COP1: variants seen among roughly 807,000 people sequenced by gnomAD.
The protein encoded by COP1 is E3 ubiquitin-protein ligase COP1.
A neutral mutation model predicts 101.3 loss-of-function variants in COP1; 24 were observed. The observed-to-expected ratio is 0.24, with a 90% CI of 0.17 to 0.33. The LOEUF is 0.33. Ranked by LOEUF, COP1 falls within the 10% of genes least tolerant of loss-of-function variation. COP1 has a pLI of 1.00. For synonymous variants in COP1, 347 were observed against 341.9 expected (o/e 1.01, Z -0.17); for missense variants, 663 against 906.2 (o/e 0.73, Z 3.45).
intron 14 of COP1, among the ~76,000 whole-genome samples, chr1:176,035,032 C>G (rs981409265): frequency 1.3e-5 from 2 of 152,112 alleles, no homozygotes; most frequent in Non-Finnish European, 2.9e-5. Flanking sequence ...GGCTAAGAGA[C>G]AACCCCAAAA....
At chr1:176,028,309 A>C (rs557811709) in intron 14 of COP1, among the ~76,000 whole-genome samples, 1 of 152,100 alleles carries the variant, frequency 6.6e-6, no homozygotes, top group African/African-American at 2.4e-5. Flanking sequence ...TCATGACTGT[A>C]ATCACAGCAC....
chr1:176,187,562 T>A (rs1040957565), intron 1 of COP1, among the ~76,000 whole-genome samples: 5 of 152,136 alleles, frequency 3.3e-5, no homozygotes, highest in Admixed American at 3.3e-4. Flanking sequence ...AATACTGGCT[T>A]TTTAATCACA....
chr1:176,079,379 C>T (rs1436343072), intron 11 of COP1, among the ~76,000 whole-genome samples: 1 of 152,048 alleles, frequency 6.6e-6, no homozygotes, highest in African/African-American at 2.4e-5. Context: ...AATGCAAGAA[C>T]AGAAAACCAA....
chr1:176,148,062 T>A (rs1558203955), intron 6 of COP1, among the ~76,000 whole-genome samples: 1 of 148,650 alleles, frequency 6.7e-6, no homozygotes, highest in East Asian at 1.9e-4. Context: ...ACTGGACATC[T>A]TCTTCTTTCC....
intron 9 of COP1, among the ~76,000 whole-genome samples, chr1:176,110,631 G>A (rs1390627938): frequency 6.6e-6 from 1 of 152,064 alleles, no homozygotes; most frequent in Non-Finnish European, 1.5e-5. Context: ...TAGTAAATAT[G>A]AGGTATGTTT....
intron 9 of COP1, among the ~76,000 whole-genome samples, chr1:176,086,646 G>C (rs1680226724): frequency 2.0e-5 from 3 of 151,578 alleles, no homozygotes; most frequent in Non-Finnish European, 3.0e-5. Flanking sequence ...CATGCTCATG[G>C]ATAGGAAGAA....
At chr1:176,139,311 G>C in intron 6 of COP1, among the ~76,000 whole-genome samples, 1 of 150,694 alleles carries the variant, frequency 6.6e-6, no homozygotes, top group Admixed American at 6.6e-5. Context: ...CAAAAAAAGA[G>C]ATGCTGGTGA....
chr1:176,117,634 C>G (rs942323923), intron 8 of COP1, among the ~76,000 whole-genome samples: 11 of 152,216 alleles, frequency 7.2e-5, no homozygotes, highest in African/African-American at 2.7e-4. Context: ...GTCGCTCACG[C>G]CTGTAATCCC....
chr1:176,151,351 GAAAA>G (rs1217384376), intron 5 of COP1, among the ~76,000 whole-genome samples: 4 of 90,510 alleles, frequency 4.4e-5, no homozygotes, highest in Admixed American at 1.2e-4. Context: ...AGGAAAGAAA[GAAAA>G]AGAAAGAAAG....
At chr1:176,058,727 C>T (rs1467832950) in intron 11 of COP1, among the ~76,000 whole-genome samples, 4 of 149,656 alleles carry the variant, frequency 2.7e-5, no homozygotes, top group Non-Finnish European at 5.9e-5. Flanking sequence ...AAATCCCCCT[C>T]TGCGAGAAAC....
intron 11 of COP1, among the ~76,000 whole-genome samples, chr1:176,071,300 G>C (rs954650144): frequency 3.3e-5 from 5 of 151,966 alleles, no homozygotes; most frequent in Admixed American, 1.3e-4. Flanking sequence ...ATGATGATGA[G>C]GCCTCCCTAG....
intron 1 of COP1, among the ~76,000 whole-genome samples, chr1:176,189,892 A>G (rs1324720230): frequency 6.6e-6 from 1 of 152,112 alleles, no homozygotes; most frequent in African/African-American, 2.4e-5. Flanking sequence ...TCTCAATTAG[A>G]AAACTTTAGC....
Position 176,191,054 on chromosome 1 carries a change from A to T in COP1, c.408-6362T>A, listed in dbSNP as rs147861210. Among the ~76,000 whole-genome samples the T allele has an allele frequency of 2.6e-3, 400 of 152,164 alleles. 3 individuals carry two copies. Among genetic ancestry groups the T allele is most frequent in the African/African-American group, 9.2e-3 (382 of 41,556 alleles). On this transcript the variant is annotated intron_variant, in intron 1 of 19. Coordinates refer to ENST00000367669, the MANE Select transcript of COP1 (RefSeq NM_022457.7). ...CGTGTTTTGATACCAAATGCCAAACACTAGCAAATAACCACCTGATTCTTT... is the reference window on the plus strand; with the variant it reads ...CGTGTTTTGATACCAAATGCCAAACTCTAGCAAATAACCACCTGATTCTTT...
At chr1:176,039,454 T>A (rs1248034975) in intron 14 of COP1, among the ~76,000 whole-genome samples, 2 of 149,050 alleles carry the variant, frequency 1.3e-5, no homozygotes, top group Non-Finnish European at 1.5e-5. Context: ...AGAGCAAAAA[T>A]AGATGAATGA....
chr1:176,154,575 C>T (rs1244260187), intron 5 of COP1, among the ~76,000 whole-genome samples: 1 of 152,040 alleles, frequency 6.6e-6, no homozygotes, highest in East Asian at 1.9e-4. Context: ...CAAGTGAGAA[C>T]TAAACGATGA....
Position 176,206,956 on chromosome 1 carries a change from C to T in COP1, c.23G>A (p.Gly8Glu). 1 of 1,437,670 alleles carries T rather than the reference C, an allele frequency of 7.0e-7. No homozygotes were observed. Among genetic ancestry groups the T allele is most frequent in the Non-Finnish European group, 9.1e-7 (1 of 1,099,772 alleles). 89.1% of individuals were successfully genotyped at this position (1,437,670 alleles called of 1,614,324 possible). ...GGGGCTTGTCCCAGCGGAGCCCGAC[C>T]CGGCCTGGCGGCTACCAGACATCGT... is the stretch of plus-strand genomic sequence containing the variant. MSGSRQA[G>E]SGSAGTSPGS... The change falls in exon 1 of 20, where the codon GGG becomes GAG. Residue 8 changes from glycine (G) to glutamate (E), a missense_variant. Around this residue, in one of 4 missense-constraint regions of COP1, gnomAD observed 204 missense variants for 203.6 expected, o/e 1.00. Transcript: ENST00000367669.
At chr1:176,161,808 A>G (rs942575108) in intron 5 of COP1, among the ~76,000 whole-genome samples, 20 of 152,282 alleles carry the variant, frequency 1.3e-4, no homozygotes, top group African/African-American at 4.8e-4. Context: ...CCAAACAGAT[A>G]TAACATGGGA....
intron 5 of COP1, among the ~76,000 whole-genome samples, chr1:176,162,004 T>A (rs1327272482): frequency 6.6e-6 from 1 of 151,792 alleles, no homozygotes; most frequent in Non-Finnish European, 1.5e-5. Context: ...AAACCAAGAG[T>A]GCAAATGACA....
At chr1:175,983,173 G>T (rs1656274523) in intron 18 of COP1, among the ~76,000 whole-genome samples, 1 of 152,098 alleles carries the variant, frequency 6.6e-6, no homozygotes, top group Admixed American at 6.5e-5. Context: ...GAAAAGAAAA[G>T]AAACTGATGG....
Sources: allele counts gnomAD v4.1 joint callset (sites outside exome capture counted in the v4.1 genomes callset), GRCh38; gene constraint gnomAD v4.1.1; regional missense constraint gnomAD v4.1.1; transcripts MANE v1.5; gene names NCBI Gene and HGNC (gene_info 2026-07-23, HGNC 2026-07-21).